C4orf50: variants seen among roughly 807,000 people sequenced by gnomAD.
C4orf50 encodes chromosome 4 open reading frame 50.
In C4orf50, 80 loss-of-function variants were observed where a neutral mutation model predicts 77.2. That is an observed-to-expected ratio of 1.04 (90% CI 0.87 to 1.25). C4orf50 has a LOEUF of 1.25. C4orf50 is among the 50% of genes most tolerant of loss of function. The pLI, the probability that C4orf50 is intolerant of heterozygous loss-of-function variation, is 0.00. For synonymous variants in C4orf50, 532 were observed against 465.3 expected (o/e 1.14, Z -1.84); for missense variants, 1,257 against 1,152.9 (o/e 1.09, Z -1.31).
intron 29 of C4orf50, among the ~76,000 whole-genome samples, chr4:5,976,360 G>T (rs938137172): frequency 1.3e-5 from 2 of 151,562 alleles, no homozygotes; most frequent in Non-Finnish European, 2.9e-5. Context: ...GGAGGCTGAG[G>T]CAGGAGAACG....
In C4orf50 at chr4:6,008,293, C is replaced by T; in HGVS notation, c.666G>A (p.Gln222=). ...GGGAGCCTGGGGCCGCGGTGTCCCA[C>T]TGGGCCAGCAGGAGGCCCGCGGCGC... The change falls in exon 25 of 34, where the codon CAG becomes CAA. Residue 222 remains glutamine (Q), a synonymous_variant. Transcript: ENST00000531445. The surrounding 1 kb of genome is among the most constrained non-coding windows in gnomAD (Gnocchi z 6.0). 1 of 390,604 alleles carries T rather than the reference C, an allele frequency of 2.6e-6. No individual in the cohort carries two copies. Among genetic ancestry groups the T allele is most frequent in the Non-Finnish European group, 4.5e-6 (1 of 220,950 alleles). 24.2% of individuals were successfully genotyped at this position (390,604 alleles called of 1,614,324 possible).
intron 25 of C4orf50, among the ~76,000 whole-genome samples, chr4:5,999,490 C>T (rs557168422): frequency 6.6e-6 from 1 of 152,312 alleles, no homozygotes; most frequent in Admixed American, 6.5e-5. Context: ...ACTAGACCCT[C>T]CCCACCATTT....
At chr4:5,980,103 G>C (rs1720491359) in intron 29 of C4orf50, 71 bp downstream of exon 7, 4 of 1,346,054 alleles carry the variant, frequency 3.0e-6, no homozygotes, top group East Asian at 2.6e-5. Context: ...GCAAATCTTT[G>C]TTCACTCCCA....
chr4:5,975,066 G>T (rs1720173304), intron 30 of C4orf50, among the ~76,000 whole-genome samples: 1 of 142,724 alleles, frequency 7.0e-6, no homozygotes, highest in Non-Finnish European at 1.5e-5. Flanking sequence ...CTTGAACCTG[G>T]GAGGCAGAGG....
chr4:5,989,590 G>T, exon 28 of C4orf50: 1 of 1,536,136 alleles, frequency 6.5e-7, no homozygotes, highest in East Asian at 2.4e-5. Flanking sequence ...CGGCTGCAGG[G>T]TGGACAGCTG....
chr4:6,005,995 A>C (rs1215861201), intron 25 of C4orf50, among the ~76,000 whole-genome samples: 1 of 152,250 alleles, frequency 6.6e-6, no homozygotes, highest in Non-Finnish European at 1.5e-5. Context: ...AGAGAATTTT[A>C]AATGACAATT....
At chr4:5,939,097 G>T (rs893660427) in intron 7 of C4orf50, among the ~76,000 whole-genome samples, 5 of 152,124 alleles carry the variant, frequency 3.3e-5, no homozygotes, top group African/African-American at 1.2e-4. Context: ...CAAAAAATTA[G>T]CTGGGTGTTG....
rs951092922 is a variant in C4orf50 at position 5,970,345 on chromosome 4, G to A, written c.4105-2883C>T. ...CATCTCCAGCTAACATCAGGGAGGC[G>A]GCAAGACCCGTGTTCCCAGCAGAAG... is the stretch of plus-strand genomic sequence containing the variant. On this transcript the variant is annotated intron_variant, in intron 31 of 33. Coordinates refer to ENST00000531445, the Ensembl canonical transcript of C4orf50. The surrounding 1 kb of genome is among the most constrained non-coding windows in gnomAD (Gnocchi z 4.3). 9.2e-5 allele frequency among the ~76,000 whole-genome samples: 14 copies of A among 152,216 alleles called. No homozygotes were observed. The highest frequency in any genetic ancestry group is 8.3e-4 in the South Asian group (4 of 4,820).
exon 34 of C4orf50, chr4:5,957,876 A>G (rs1049941754): frequency 4.6e-5 from 7 of 152,200 alleles, no homozygotes; most frequent in African/African-American, 9.6e-5. Flanking sequence ...ATTGTACAAC[A>G]TAAGTCACAT....
chr4:5,910,907 CTTTTTTTTTTT>C (rs33913636), intron 7 of C4orf50, among the ~76,000 whole-genome samples: 2 of 106,566 alleles, frequency 1.9e-5, no homozygotes, highest in East Asian at 2.7e-4. Context: ...CCCTTTCTTT[CTTTTTTTTTTT>C]TTTTTTTTTG....
At position 6,018,295 on chromosome 4, in the gene C4orf50, C is replaced by T. The variant is rs1172988641; in HGVS notation, c.137G>A (p.Ser46Asn). ...CTGAAGACATTCCCGCTCCTCAGCA[C>T]TATCTTCCATGTCCTGGAATATCCA... Residue 46 changes from serine (S) to asparagine (N), a missense_variant, in exon 23 of 34, where the codon AGT becomes AAT. By Grantham distance (46) the Ser-to-Asn change is conservative. Coordinates refer to ENST00000531445, the Ensembl canonical transcript of C4orf50. This position sits in a 1 kb window ranked among gnomAD's most constrained non-coding sequence, Gnocchi z 5.1. 5 of 398,954 alleles carry T rather than the reference C, an allele frequency of 1.3e-5. No homozygotes were observed. Among genetic ancestry groups the T allele is most frequent in the Non-Finnish European group, 1.8e-5 (4 of 226,094 alleles). The allele number at this position is 398,954 out of a possible 1,614,324, so 24.7% of individuals were successfully genotyped here.
rs1392482048 is a variant in C4orf50 at position 5,990,174 on chromosome 4, CA to C, written c.1871del (p.Leu624Ter). The stretch of plus-strand genomic sequence containing the variant: ...AGGCCTCCCCCTGTAGAAGAGGCAT[CA>C]AAAACTCCTGCCAGGACCCAGGGCG... On this transcript the variant is annotated frameshift_variant, in exon 28 of 34. Transcript: ENST00000531445. LOFTEE classifies it high-confidence loss of function. 27 of 1,249,530 alleles carry C rather than the reference CA, an allele frequency of 2.2e-5. 1 individual carries two copies. In the East Asian group the frequency reaches 7.9e-4, roughly 36 times the overall value. 77.4% of individuals were successfully genotyped at this position (1,249,530 alleles called of 1,614,324 possible).
chr4:5,988,354 C>T lies in C4orf50; in HGVS notation c.3692G>A (p.Gly1231Asp), dbSNP rs778553452. 8 of 1,613,766 alleles carry T rather than the reference C, an allele frequency of 5.0e-6. No individual in the cohort carries two copies. In the South Asian group the frequency reaches 6.6e-5, roughly 13 times the overall value. Residue 1231 changes from glycine (G) to aspartate (D), a missense_variant, in exon 28 of 34, where the codon GGC (glycine) becomes GAC (aspartate). Coordinates refer to ENST00000531445, the Ensembl canonical transcript of C4orf50. The stretch of plus-strand genomic sequence containing the variant: ...TATGCAGACCCAACCTACCATGGGG[C>T]CATTGCTCAGGGAGCTCAGAGCTTG...
At chr4:5,968,268 A>G (rs528131721) in intron 31 of C4orf50, among the ~76,000 whole-genome samples, 1 of 151,918 alleles carries the variant, frequency 6.6e-6, no homozygotes, top group Admixed American at 6.6e-5. Context: ...GTCTTCCCTG[A>G]CTCCACCTGG....
At chr4:5,956,933 G>C (rs1360149853), downstream of C4orf50, 2 of 152,350 alleles carry the variant, frequency 1.3e-5, no homozygotes, top group African/African-American at 4.8e-5. Flanking sequence ...CCTGCCCCTG[G>C]AGCATCTGAT....
chr4:5,952,251 G>C (rs568727920), downstream of C4orf50, among the ~76,000 whole-genome samples: 7 of 152,282 alleles, frequency 4.6e-5, no homozygotes, highest in South Asian at 1.4e-3. This position sits in a 1 kb window ranked among gnomAD's most constrained non-coding sequence, Gnocchi z 4.4. Flanking sequence ...GTAGATGATA[G>C]ATAGATAGAT....
At chr4:5,988,382 C>G in exon 28 of C4orf50, 1 of 1,613,986 alleles carries the variant, frequency 6.2e-7, no homozygotes, top group Non-Finnish European at 8.5e-7. Context: ...AGAGCTTGCC[C>G]CTGAGCCACA....
downstream of C4orf50, among the ~76,000 whole-genome samples, chr4:5,954,692 C>A (rs946817348): frequency 2.3e-4 from 35 of 152,086 alleles, no homozygotes; most frequent in Non-Finnish European, 8.8e-5. The surrounding 1 kb of genome is among the most constrained non-coding windows in gnomAD (Gnocchi z 4.7). Context: ...GATACTGGTC[C>A]AAGCAGCAGG....
At position 6,013,725 on chromosome 4, in the gene C4orf50, G is replaced by C. The variant is rs1011907117; in HGVS notation, c.288-1757C>G. ...TTGCATGCAGCTGGGTCCAAAGATG[G>C]AGGCGGGACCAGGAACCCAGGAATG... On this transcript the variant is annotated intron_variant, in intron 23 of 33. Coordinates refer to ENST00000531445, the Ensembl canonical transcript of C4orf50. 5.3e-5 allele frequency among the ~76,000 whole-genome samples: 8 copies of C among 152,166 alleles called. 1 individual carries two copies. The highest frequency in any genetic ancestry group is 1.5e-5 in the Non-Finnish European group (1 of 68,020).
Sources: gnomAD v4.1 joint callset for allele counts (sites outside exome capture counted in the v4.1 genomes callset) on GRCh38, gnomAD v4.1.1 for gene constraint, Gnocchi (gnomAD v3.1) non-coding constraint, MANE v1.5 for transcripts, NCBI Gene and HGNC (gene_info 2026-07-23, HGNC 2026-07-21) for gene names.